BCAR1: variants seen among roughly 807,000 people sequenced by gnomAD.
BCAR1 encodes the protein breast cancer anti-estrogen resistance protein 1.
Under a neutral mutation model 67.6 loss-of-function variants are expected in BCAR1, and 30 were observed. The observed-to-expected ratio is 0.44, with a 90% CI of 0.33 to 0.60. The LOEUF (loss-of-function observed/expected upper bound fraction) is 0.60, where lower values mean the gene tolerates loss of function less well. Among genes scored for constraint, BCAR1 ranks in the 20% least tolerant of loss-of-function variants. The probability of loss-of-function intolerance (pLI) is 0.02; values close to 1 mark genes in which losing one functional copy is unlikely to be tolerated. For missense variants in BCAR1, 1,313 were observed against 1,222.3 expected (o/e 1.07, Z -1.11); for synonymous variants, 626 against 556.7 (o/e 1.12, Z -1.75).
At chr16:75,259,148 C>A (rs891312460) in intron 1 of BCAR1, among the ~76,000 whole-genome samples, 2 of 152,192 alleles carry the variant, frequency 1.3e-5, no homozygotes, top group African/African-American at 4.8e-5. Flanking sequence ...TCTAGGACAC[C>A]TGGTGAGGTC....
At chr16:75,238,931 C>G in intron 2 of BCAR1, 1 of 985,416 alleles carries the variant, frequency 1.0e-6, no homozygotes. Context: ...AGCCAGGACC[C>G]AGCACCAGCA....
intron 1 of BCAR1, among the ~76,000 whole-genome samples, chr16:75,259,742 T>C (rs546104122): frequency 5.8e-4 from 86 of 148,276 alleles, no homozygotes; most frequent in Non-Finnish European, 4.2e-4. Context: ...ATCCCAGCTA[T>C]TTGGGAGGCT....
At chr16:75,266,001 C>A (rs2078003114) in intron 1 of BCAR1, 1 of 1,037,756 alleles carries the variant, frequency 9.6e-7, no homozygotes. Flanking sequence ...CCAGCCGCGC[C>A]GCGCATGCGC....
At chr16:75,252,196 C>T (rs769885839), upstream of BCAR1, 25 of 1,536,174 alleles carry the variant, frequency 1.6e-5, no homozygotes, top group African/African-American at 2.7e-5. Flanking sequence ...GGGAGGCTGG[C>T]GAGCTCTCGA....
At chr16:75,265,698 G>T in intron 1 of BCAR1, 2 of 1,053,864 alleles carry the variant, frequency 1.9e-6, no homozygotes, top group East Asian at 4.1e-5. Flanking sequence ...CCCCGGGGCC[G>T]AGGAGGCCCC....
chr16:75,244,888 G>A (rs533493929), intron 1 of BCAR1, among the ~76,000 whole-genome samples: 7 of 152,354 alleles, frequency 4.6e-5, no homozygotes, highest in South Asian at 2.1e-4. Context: ...CCTGTGAAAC[G>A]TAAAGACAAG....
intron 4 of BCAR1, 95 bp from the exon 5 acceptor site, chr16:75,236,081 C>T: frequency 7.2e-7 from 1 of 1,396,650 alleles, no homozygotes; most frequent in Non-Finnish European, 9.6e-7. Flanking sequence ...CACACACGTA[C>T]ACACATACAG....
intron 5 of BCAR1, 60 bp from the exon 6 acceptor site, chr16:75,233,995 A>G (rs1379150887): frequency 2.0e-6 from 3 of 1,510,012 alleles, no homozygotes; most frequent in Non-Finnish European, 2.7e-6. Flanking sequence ...AGCACAGGCC[A>G]GCCCTGTGGC....
upstream of BCAR1, among the ~76,000 whole-genome samples, chr16:75,253,018 G>A (rs930427803): frequency 1.3e-5 from 2 of 152,194 alleles, no homozygotes; most frequent in Admixed American, 6.5e-5. Context: ...ACAGCACAGC[G>A]GGTGAGGAAG....
chr16:75,262,425 G>A (rs1052319267), intron 1 of BCAR1, among the ~76,000 whole-genome samples: 1 of 152,268 alleles, frequency 6.6e-6, no homozygotes, highest in Non-Finnish European at 1.5e-5. Flanking sequence ...TCCTATGGAT[G>A]ATGGCGCAGA....
At chr16:75,259,850 TAAAAAAAAAA>T (rs144448216) in intron 1 of BCAR1, among the ~76,000 whole-genome samples, 15 of 73,462 alleles carry the variant, frequency 2.0e-4, no homozygotes, top group African/African-American at 8.0e-4. Context: ...AGACTCCATC[TAAAAAAAAAA>T]AAAAAAAAAA....
intron 1 of BCAR1, chr16:75,249,544 A>C (rs1034452743): frequency 4.6e-5 from 7 of 152,030 alleles, no homozygotes; most frequent in African/African-American, 1.5e-4. Flanking sequence ...CTATCACCCA[A>C]TCCCACTCCC....
chr16:75,230,065 T>C (rs763514768), intron 6 of BCAR1, 42 bp from the exon 7 acceptor site: 2 of 1,513,500 alleles, frequency 1.3e-6, no homozygotes, highest in African/African-American at 2.8e-5. Context: ...GGCTCTCGGG[T>C]GAGTTGGAAC....
intron 1 of BCAR1, among the ~76,000 whole-genome samples, chr16:75,261,685 G>A (rs1044951466): frequency 6.6e-6 from 1 of 152,226 alleles, no homozygotes. Flanking sequence ...AAGAGGCCAG[G>A]GTCCTGCAGG....
chr16:75,252,253 G>A, upstream of BCAR1: 2 of 1,536,686 alleles, frequency 1.3e-6, no homozygotes, highest in Non-Finnish European at 1.7e-6. Context: ...GCATTGTGCC[G>A]ACATCTGGGG....
chr16:75,229,680 T>G lies in BCAR1; in HGVS notation c.2444A>C (p.Tyr815Ser). 1 of 1,612,858 alleles carries G rather than the reference T, an allele frequency of 6.2e-7. No individual in the cohort carries two copies. Among genetic ancestry groups the G allele is most frequent in the South Asian group, 1.1e-5 (1 of 91,066 alleles). ...AADVRSQVTH[Y>S]SNLLCDLLRG... is the part of the protein sequence containing the mutation. ...CAGGAGGTCGCACAGCAGGTTGCTGTAGTGGGTCACCTGGCTGCGCACGTC... is the reference window on the plus strand; with the variant it reads ...CAGGAGGTCGCACAGCAGGTTGCTGGAGTGGGTCACCTGGCTGCGCACGTC... Residue 815 changes from tyrosine to serine, a missense_variant, in exon 7 of 7, where the codon TAC becomes TCC. By Grantham distance (144) the Tyr-to-Ser change is moderately radical. Coordinates refer to ENST00000162330, the MANE Select transcript of BCAR1 (RefSeq NM_014567.5).
Position 75,235,806 on chromosome 16 carries a change from G to T in BCAR1, c.1093C>A (p.Pro365Thr). The T allele has an allele frequency of 6.3e-7, 1 of 1,591,278 alleles. No homozygotes were observed. Among genetic ancestry groups the T allele is most frequent in the South Asian group, 1.1e-5 (1 of 87,930 alleles). Reference sequence around the variant, plus strand: ...TCGTAGAGGTCAGGAGCCGGGGGCGGCACGTCATACACGTCCTCGGCCGGC... The same window carrying T: ...TCGTAGAGGTCAGGAGCCGGGGGCGTCACGTCATACACGTCCTCGGCCGGC... Reference protein sequence around the residue: ...SPPAEDVYDVPPPAPDLYDVP... With the variant: ...SPPAEDVYDVTPPAPDLYDVP... Residue 365 changes from proline (P) to threonine (T), a missense_variant, in exon 5 of 7, where the codon CCG (proline) becomes ACG (threonine). Around this residue, in one of 2 missense-constraint regions of BCAR1, gnomAD observed 1,272 missense variants for 1,137.5 expected, o/e 1.12. Transcript: ENST00000162330.
intron 1 of BCAR1, chr16:75,248,312 C>T (rs1343807279): frequency 2.2e-6 from 3 of 1,380,866 alleles, no homozygotes; most frequent in Non-Finnish European, 2.8e-6. Flanking sequence ...ACATAGCAGG[C>T]ACTTGGGAAA....
intron 1 of BCAR1, chr16:75,248,026 TCAAAACAACCCCA>T: frequency 5.1e-6 from 7 of 1,384,114 alleles, no homozygotes; most frequent in Non-Finnish European, 7.1e-6. Flanking sequence ...CATTTAACCC[TCAAAACAACCCCA>T]TAAGACACGA....
Sources: allele counts gnomAD v4.1 joint callset (sites outside exome capture counted in the v4.1 genomes callset), GRCh38; gene constraint gnomAD v4.1.1; regional missense constraint gnomAD v4.1.1; transcripts MANE v1.5; gene names NCBI Gene and HGNC (gene_info 2026-07-23, HGNC 2026-07-21).